USF1: variants seen among roughly 807,000 people sequenced by gnomAD.
USF1 encodes upstream stimulatory factor 1.
A neutral mutation model predicts 46.3 loss-of-function variants in USF1; 22 were observed. The observed-to-expected ratio is 0.47, with a 90% CI of 0.34 to 0.68. The LOEUF is 0.68. USF1 is among the 30% of genes least tolerant of loss of function. The probability of loss-of-function intolerance (pLI) is 0.01; values close to 1 mark genes in which losing one functional copy is unlikely to be tolerated. For missense variants in USF1, 287 were observed against 399.3 expected (o/e 0.72, Z 2.40); for synonymous variants, 150 against 147.0 (o/e 1.02, Z -0.15).
chr1:161,041,341 C>A lies in USF1; in HGVS notation c.543G>T (p.Arg181Ser). 6.2e-7 allele frequency: 1 copy of A among 1,612,926 alleles called. No individual in the cohort carries two copies. The highest frequency in any genetic ancestry group is 8.5e-7 in the Non-Finnish European group (1 of 1,179,686). ...TCACTCACGGGGAATAAGGGTGAGT[C>A]CTAGGGGCAATTGAGCGCTGGCTTC... ...QGGSQRSIAP[R>S]THPYSPKSEA... The change falls in exon 7 of 11, where the codon AGG (arginine) becomes AGT (serine). Residue 181 changes from arginine to serine, a missense_variant. By Grantham distance (110) the Arg-to-Ser change is moderately radical. Transcript: ENST00000368021.
chr1:161,041,246 A>T (rs1650543763), intron 7 of USF1, 78 bp downstream of exon 7: 2 of 1,271,110 alleles, frequency 1.6e-6, no homozygotes, highest in Non-Finnish European at 2.1e-6. Context: ...TGGGTGACAG[A>T]GCAAGACTCT....
At position 161,040,056 on chromosome 1, in the gene USF1, A is replaced by G. The variant is rs1238344480; in HGVS notation, c.844-47T>C. On this transcript the variant is annotated intron_variant, in intron 10 of 10. Transcript: ENST00000368021. The surrounding 1 kb of genome is among the most constrained non-coding windows in gnomAD (Gnocchi z 4.0). ...AAAGGGAATGGGTAGTAAAGCTGGC[A>G]CTTCCAAGCCCCTGAATGTATTCAG... 6.2e-7 allele frequency: 1 copy of G among 1,612,832 alleles called. No homozygotes were observed. Among genetic ancestry groups the G allele is most frequent in the African/African-American group, 1.3e-5 (1 of 74,898 alleles).
intron 5 of USF1, 79 bp downstream of exon 5, chr1:161,042,037 C>T (rs1368363519): frequency 1.3e-6 from 2 of 1,483,756 alleles, no homozygotes; most frequent in African/African-American, 2.8e-5. Context: ...CTGTTCCTAG[C>T]TTCACCCCCA....
chr1:161,042,108 C>G lies in USF1; in HGVS notation c.276+8G>C, dbSNP rs776317057. The stretch of plus-strand genomic sequence containing the variant: ...ACTCTAGTGACCTCCCCAGCCCATA[C>G]CCTGTACCTGGGTCATGGATTGAGT... On this transcript the variant is annotated splice_region_variant and intron_variant, in intron 5 of 10. Coordinates refer to ENST00000368021, the MANE Select transcript of USF1 (RefSeq NM_007122.5). The G allele has an allele frequency of 6.2e-7, 1 of 1,610,864 alleles. No individual in the cohort carries two copies. Among genetic ancestry groups the G allele is most frequent in the Admixed American group, 1.7e-5 (1 of 59,538 alleles).
Position 161,040,906 on chromosome 1 carries a change from A to C in USF1, c.561-34T>G. 3.7e-6 allele frequency: 6 copies of C among 1,613,676 alleles called. No individual in the cohort carries two copies. Among genetic ancestry groups the C allele is most frequent in the Non-Finnish European group, 4.2e-6 (5 of 1,179,802 alleles). On this transcript the variant is annotated intron_variant, in intron 7 of 10. Transcript: ENST00000368021. The surrounding 1 kb of genome is among the most constrained non-coding windows in gnomAD (Gnocchi z 4.0). ...AGAGCCCAGGGTGGCCAGAGTAAGA[A>C]GACAAAATACATGATTGAAGTTTGG...
Position 161,040,959 on chromosome 1 carries a change from G to C in USF1, c.561-87C>G, listed in dbSNP as rs780230771. On this transcript the variant is annotated intron_variant, in intron 7 of 10. Coordinates refer to ENST00000368021, the MANE Select transcript of USF1 (RefSeq NM_007122.5). The surrounding 1 kb of genome is among the most constrained non-coding windows in gnomAD (Gnocchi z 4.0). ...TTAAGGAATTATACAAGATTTAGCA[G>C]GTATTAGGACCACTTATGGTAGCTA... 17 of 1,563,182 alleles carry C rather than the reference G, an allele frequency of 1.1e-5. No homozygotes were observed. The highest frequency in any genetic ancestry group is 3.5e-6 in the Non-Finnish European group (4 of 1,143,406).
chr1:161,042,571 G>C lies in USF1; in HGVS notation c.158C>G (p.Thr53Ser). 1.2e-6 allele frequency: 2 copies of C among 1,614,180 alleles called. No homozygotes were observed. Among genetic ancestry groups the C allele is most frequent in the Non-Finnish European group, 1.7e-6 (2 of 1,180,028 alleles). Residue 53 changes from threonine (T) to serine (S), a missense_variant, in exon 4 of 11, where the codon ACT (threonine) becomes AGT (serine). Coordinates refer to ENST00000368021, the MANE Select transcript of USF1 (RefSeq NM_007122.5). ...CTCCCTTACCTGGCCCCCATTCTCA[G>C]TTCGGAAGACGTACTTGACGTTGGG... is the stretch of plus-strand genomic sequence containing the variant. ...PDPNVKYVFR[T>S]ENGGQVMYRV...
At position 161,039,738 on chromosome 1, in the gene USF1, C is replaced by T. The variant is rs1650442103; in HGVS notation, c.*182G>A. On this transcript the variant is annotated 3_prime_UTR_variant, in exon 11 of 11. Coordinates refer to ENST00000368021, the MANE Select transcript of USF1 (RefSeq NM_007122.5). ...GGGCAAGGCTGTCAGTGCACGTCCA[C>T]ATTGTGTGTTTCACACCACTGCAGG... 1.6e-6 allele frequency: 1 copy of T among 639,868 alleles called. No homozygotes were observed. The highest frequency in any genetic ancestry group is 2.8e-5 in the Admixed American group (1 of 35,294). The allele number at this position is 639,868 out of a possible 1,614,324, so 39.6% of individuals were successfully genotyped here.
intron 4 of USF1, 72 bp from the exon 5 acceptor site, chr1:161,042,289 C>T: frequency 6.8e-7 from 1 of 1,464,548 alleles, no homozygotes; most frequent in Non-Finnish European, 9.3e-7. Context: ...CCTAGGGCCC[C>T]TCATAAAGCT....
intron 4 of USF1, 82 bp from the exon 5 acceptor site, chr1:161,042,299 T>G (rs998305479): frequency 4.3e-6 from 6 of 1,397,692 alleles, no homozygotes; most frequent in Non-Finnish European, 5.9e-6. Flanking sequence ...CTCATAAAGC[T>G]TCCCTTGGAT....
Position 161,041,849 on chromosome 1 carries a change from G to A in USF1, c.277-3C>T, listed in dbSNP as rs1439382409. 1.2e-6 allele frequency: 2 copies of A among 1,606,174 alleles called. No homozygotes were observed. Among genetic ancestry groups the A allele is most frequent in the Admixed American group, 1.7e-5 (1 of 59,734 alleles). On this transcript the variant is annotated splice_polypyrimidine_tract_variant and splice_region_variant and intron_variant, in intron 5 of 10. Transcript: ENST00000368021. ...GTGAAAGCACCCTGGATCACCGCCT[G>A]GGAAGGGGAGCAAGAAAACTGATTC...
At chr1:161,043,459 C>G in intron 1 of USF1, 99 bp from the exon 2 acceptor site, 2 of 881,360 alleles carry the variant, frequency 2.3e-6, no homozygotes, top group East Asian at 5.3e-5. Context: ...GGAAAATAAC[C>G]CAGTCATCTG....
intron 1 of USF1, among the ~76,000 whole-genome samples, chr1:161,045,507 G>C (rs986776261): frequency 6.6e-6 from 1 of 152,232 alleles, no homozygotes; most frequent in African/African-American, 2.4e-5. Context: ...GCGAGCCCGG[G>C]AGCCTGCGCC....
intron 6 of USF1, 109 bp from the exon 7 acceptor site, chr1:161,041,520 C>T (rs1571048107): frequency 6.8e-7 from 1 of 1,467,462 alleles, no homozygotes; most frequent in East Asian, 2.3e-5. Flanking sequence ...AATAGAAGAG[C>T]AGCCCCAGAC....
At position 161,041,679 on chromosome 1, in the gene USF1, C is replaced by A. The variant is rs775061589; in HGVS notation, c.444G>T (p.Leu148=). The change falls in exon 6 of 11, where the codon CTG becomes CTT. Residue 148 remains leucine (L), a synonymous_variant. Transcript: ENST00000368021. Reference sequence around the variant, plus strand: ...TGCCAGGAGGGGTCGCCTGCCCCAGCAGTGCCTCTGAGCCCTGGGTAGTAA... The same window carrying A: ...TGCCAGGAGGGGTCGCCTGCCCCAGAAGTGCCTCTGAGCCCTGGGTAGTAA... ...AVVTTQGSEA[L]LGQATPPGTG... 1 of 1,611,688 alleles carries A rather than the reference C, an allele frequency of 6.2e-7. No homozygotes were observed. Among genetic ancestry groups the A allele is most frequent in the Non-Finnish European group, 8.5e-7 (1 of 1,178,050 alleles).
In USF1 at chr1:161,039,595, G is replaced by A; in HGVS notation, c.*325C>T. On this transcript the variant is annotated 3_prime_UTR_variant, in exon 11 of 11. Coordinates refer to ENST00000368021, the MANE Select transcript of USF1 (RefSeq NM_007122.5). The stretch of plus-strand genomic sequence containing the variant: ...TCACCTGTCAGCAAACCTCTGCTGG[G>A]CACTCTAAGCAAGCACAGGACAAGC... 3.5e-6 allele frequency: 1 copy of A among 287,498 alleles called. No homozygotes were observed. Among genetic ancestry groups the A allele is most frequent in the Non-Finnish European group, 6.6e-6 (1 of 150,994 alleles). 17.8% of individuals were successfully genotyped at this position (287,498 alleles called of 1,614,324 possible).
At chr1:161,041,282 A>AC (rs1650548959) in intron 7 of USF1, 42 bp downstream of exon 7, 2 of 1,465,048 alleles carry the variant, frequency 1.4e-6, no homozygotes, top group South Asian at 2.6e-5. Flanking sequence ...AAAAAAAAAA[A>AC]AAACCACTTA....
In USF1 at chr1:161,042,592, T is replaced by C. The variant is rs752606775; in HGVS notation, c.137A>G (p.Asn46Ser). Reference protein sequence around the residue: ...IQSAATFPDPNVKYVFRTENG... With the variant: ...IQSAATFPDPSVKYVFRTENG... Reference sequence around the variant, plus strand: ...CTCAGTTCGGAAGACGTACTTGACGTTGGGGTCAGGGAAGGTGGCAGCTGA... The same window carrying C: ...CTCAGTTCGGAAGACGTACTTGACGCTGGGGTCAGGGAAGGTGGCAGCTGA... The change falls in exon 4 of 11, where the codon AAC becomes AGC. Residue 46 changes from asparagine to serine, a missense_variant. By Grantham distance (46) the Asn-to-Ser change is conservative (BLOSUM62 1). Coordinates refer to ENST00000368021, the MANE Select transcript of USF1 (RefSeq NM_007122.5). 4 of 1,614,048 alleles carry C rather than the reference T, an allele frequency of 2.5e-6. No individual in the cohort carries two copies. The highest frequency in any genetic ancestry group is 1.7e-5 in the Admixed American group (1 of 59,998).
Position 161,045,179 on chromosome 1 carries a change from T to C in USF1, c.-86+679A>G, listed in dbSNP as rs563607337. 3.9e-5 allele frequency among the ~76,000 whole-genome samples: 6 copies of C among 152,252 alleles called. No individual in the cohort carries two copies. In the South Asian group the frequency reaches 1.2e-3, roughly 32 times the overall value. On this transcript the variant is annotated intron_variant, in intron 1 of 10. Transcript: ENST00000368021. ...GGGCCCGGCACAGGAGGCATCTCTA[T>C]TGGCCACAGCTGTCAGCCGGGGCAG...
Sources: allele counts gnomAD v4.1 joint callset (sites outside exome capture counted in the v4.1 genomes callset), GRCh38; gene constraint gnomAD v4.1.1; non-coding constraint Gnocchi (gnomAD v3.1); transcripts MANE v1.5; gene names NCBI Gene and HGNC (gene_info 2026-07-23, HGNC 2026-07-21).